DCST1: variants seen among roughly 807,000 people sequenced by gnomAD.
The protein encoded by DCST1 is E3 ubiquitin-protein ligase DCST1.
In DCST1, 78 loss-of-function variants were observed where a neutral mutation model predicts 89.1. The ratio of observed to expected loss-of-function variants is 0.88; its 90% CI spans 0.73 to 1.06. The LOEUF is 1.06. DCST1 is among the 50% of genes least tolerant of loss of function. The probability of loss-of-function intolerance (pLI) is 0.00; values close to 1 mark genes in which losing one functional copy is unlikely to be tolerated. For missense variants in DCST1, 900 were observed against 928.6 expected, an observed-to-expected ratio of 0.97 and a Z score of 0.40; for synonymous variants, 364 against 371.9, an observed-to-expected ratio of 0.98 and a Z score of 0.24.
At chr1:155,045,174 T>A (rs955068465) in intron 10 of DCST1, 1 of 152,338 alleles carries the variant, frequency 6.6e-6, no homozygotes, top group African/African-American at 2.4e-5. Flanking sequence ...CCAGAAGCAA[T>A]AGCATTGAAA....
At chr1:155,047,755 C>T (rs1450120625) in intron 14 of DCST1, 32 bp from the exon 15 acceptor site, 1 of 1,607,090 alleles carries the variant, frequency 6.2e-7, no homozygotes, top group Non-Finnish European at 8.5e-7. Context: ...TTGGCTGGTC[C>T]TGACCAGACC....
Position 155,050,912 on chromosome 1 carries a change from T to C in DCST1, c.*44T>C. 1.3e-6 allele frequency: 2 copies of C among 1,592,728 alleles called. No homozygotes were observed. The highest frequency in any genetic ancestry group is 1.7e-6 in the Non-Finnish European group (2 of 1,165,260). Reference sequence around the variant, plus strand: ...CTTCCGCACCGTCCTTCCCGGTTAATAAAATGCCCTGTACGCTTCACGTGG... The same window carrying C: ...CTTCCGCACCGTCCTTCCCGGTTAACAAAATGCCCTGTACGCTTCACGTGG... On this transcript the variant is annotated 3_prime_UTR_variant, in exon 17 of 17. Transcript: ENST00000295542.
At chr1:155,045,344 C>T (rs187088213) in intron 10 of DCST1, 223 of 181,840 alleles carry the variant, frequency 1.2e-3, no homozygotes, top group East Asian at 0.01. Context: ...CCCATGCACA[C>T]GTGCACCGTG....
At position 155,050,745 on chromosome 1, in the gene DCST1, G is replaced by A; in HGVS notation, c.1998G>A (p.Glu666=). The stretch of plus-strand genomic sequence containing the variant: ...ACGTGTGCCGGACGCTGGACTGCGA[G>A]GCCGTGTACTGCTGGTCGTGCTGGG... The part of the protein sequence containing the change: ...ESYVCRTLDC[E]AVYCWSCWDD... The change falls in exon 17 of 17, where the codon GAG becomes GAA. Residue 666 remains glutamate, a synonymous_variant. Transcript: ENST00000295542. 6.2e-7 allele frequency: 1 copy of A among 1,611,230 alleles called. No homozygotes were observed. Among genetic ancestry groups the A allele is most frequent in the Non-Finnish European group, 8.5e-7 (1 of 1,179,008 alleles).
At chr1:155,044,385 G>A (rs1660539391) in intron 10 of DCST1, among the ~76,000 whole-genome samples, 1 of 151,004 alleles carries the variant, frequency 6.6e-6, no homozygotes, top group Non-Finnish European at 1.5e-5. Flanking sequence ...GGGAGGCTGA[G>A]GCAGGAGAAT....
chr1:155,041,970 G>C, intron 8 of DCST1, 113 bp downstream of exon 8: 1 of 1,442,784 alleles, frequency 6.9e-7, no homozygotes, highest in Non-Finnish European at 9.4e-7. Context: ...TTGGCCCTGA[G>C]GCCACAGCAT....
rs775788231 is a variant in DCST1 at position 155,034,120 on chromosome 1, A to T, written c.61+23A>T. On this transcript the variant is annotated intron_variant, in intron 2 of 16. Coordinates refer to ENST00000295542, the MANE Select transcript of DCST1 (RefSeq NM_152494.4). Reference sequence around the variant, plus strand: ...CCAGTGAGTCACTCAGCAGAGACCCAGTATCCCTTGACCTCCACTCTCATC... The same window carrying T: ...CCAGTGAGTCACTCAGCAGAGACCCTGTATCCCTTGACCTCCACTCTCATC... The T allele has an allele frequency of 2.5e-6, 4 of 1,613,858 alleles. No homozygotes were observed. The South Asian group carries it at 4.4e-5, about 18-fold the overall frequency.
rs372412738 is a variant in DCST1, at chr1:155,039,543, G to C, written c.391+12G>C. 22 of 1,570,364 alleles carry C rather than the reference G, an allele frequency of 1.4e-5. No homozygotes were observed. In the African/African-American group the frequency reaches 2.4e-4, roughly 17 times the overall value. Reference sequence around the variant, plus strand: ...TGCCATCTATGTGGGTGAGTATGTGGGGGCCAGTGAGTTACACTGAAGCAG... The same window carrying C: ...TGCCATCTATGTGGGTGAGTATGTGCGGGCCAGTGAGTTACACTGAAGCAG... On this transcript the variant is annotated intron_variant, in intron 5 of 16. Coordinates refer to ENST00000295542, the MANE Select transcript of DCST1 (RefSeq NM_152494.4).
rs2102361238 is a variant in DCST1 at position 155,046,366 on chromosome 1, G to A, written c.1375G>A (p.Glu459Lys). Reference sequence around the variant, plus strand: ...CCTCCTGCTCCTTGGCCAGGTGAGGGAGCTCCTGGAGACACTGCCCATTCT... The same window carrying A: ...CCTCCTGCTCCTTGGCCAGGTGAGGAAGCTCCTGGAGACACTGCCCATTCT... ...QASEMSNVVR[E>K]LLETLPILLL... is the part of the protein sequence containing the mutation. The change falls in exon 13 of 17, where the codon GAG (glutamate) becomes AAG (lysine). Residue 459 changes from glutamate (E) to lysine (K), a missense_variant. Glu to Lys is a moderately conservative substitution (Grantham distance 56). Coordinates refer to ENST00000295542, the MANE Select transcript of DCST1 (RefSeq NM_152494.4). 3 of 1,614,080 alleles carry A rather than the reference G, an allele frequency of 1.9e-6. No homozygotes were observed. The highest frequency in any genetic ancestry group is 2.5e-6 in the Non-Finnish European group (3 of 1,179,994).
Position 155,046,301 on chromosome 1 carries a change from G to A in DCST1, c.1369-59G>A, listed in dbSNP as rs1000552011. Reference sequence around the variant, plus strand: ...GGTGGAGGGTAAAAGGCACCAGAGAGTGCTCCGTGCCCAGGCAGATGGCAC... The same window carrying A: ...GGTGGAGGGTAAAAGGCACCAGAGAATGCTCCGTGCCCAGGCAGATGGCAC... On this transcript the variant is annotated intron_variant, in intron 12 of 16. Transcript: ENST00000295542. 8 of 1,613,936 alleles carry A rather than the reference G, an allele frequency of 5.0e-6. No individual in the cohort carries two copies. In the Admixed American group the frequency reaches 5.0e-5, roughly 10 times the overall value.
chr1:155,039,271 A>T, intron 4 of DCST1, 132 bp from the exon 5 acceptor site: 1 of 1,088,594 alleles, frequency 9.2e-7, no homozygotes, highest in Non-Finnish European at 1.2e-6. Context: ...TATCAGAGTC[A>T]GTGTAAATGG....
Position 155,039,468 on chromosome 1 carries a change from A to G in DCST1, c.328A>G (p.Lys110Glu). The part of the protein sequence containing the change: ...IRCASLLLVP[K>E]MLGKEGRLFV... ...CTGTGCCAGCCTCCTACTAGTACCC[A>G]AGATGCTGGGCAAGGAAGGCAGGCT... The change falls in exon 5 of 17, where the codon AAG (lysine) becomes GAG (glutamate). Residue 110 changes from lysine to glutamate, a missense_variant. By Grantham distance (56) the Lys-to-Glu change is moderately conservative. Coordinates refer to ENST00000295542, the MANE Select transcript of DCST1 (RefSeq NM_152494.4). The G allele has an allele frequency of 6.2e-7, 1 of 1,602,144 alleles. No individual in the cohort carries two copies. The highest frequency in any genetic ancestry group is 8.5e-7 in the Non-Finnish European group (1 of 1,174,096).
chr1:155,037,774 G>C (rs1193023880), intron 4 of DCST1, among the ~76,000 whole-genome samples: 4 of 152,228 alleles, frequency 2.6e-5, no homozygotes, highest in Non-Finnish European at 5.9e-5. Context: ...GGGTGGGATA[G>C]AGGAGTGAGA....
chr1:155,049,928 T>G (rs1317435778), intron 16 of DCST1, among the ~76,000 whole-genome samples: 1 of 152,202 alleles, frequency 6.6e-6, no homozygotes, highest in Non-Finnish European at 1.5e-5. Context: ...GAATGCGAAG[T>G]GCCAGGGCTA....
rs903788083 is a variant in DCST1, at chr1:155,048,160, A to G, written c.1859A>G (p.Gln620Arg). ...GCTATCCTGAGGCGGGAGCGACAGCAGAAGGCTCCGGTAAGTCCAGGCGTA... is the reference window on the plus strand; with the variant it reads ...GCTATCCTGAGGCGGGAGCGACAGCGGAAGGCTCCGGTAAGTCCAGGCGTA... ...RAAILRRERQ[Q>R]KAPRHPLADI... Residue 620 changes from glutamine to arginine, a missense_variant, in exon 16 of 17, where the codon CAG becomes CGG. Transcript: ENST00000295542. 7 of 1,613,930 alleles carry G rather than the reference A, an allele frequency of 4.3e-6. No homozygotes were observed. The highest frequency in any genetic ancestry group is 5.9e-6 in the Non-Finnish European group (7 of 1,179,946).
chr1:155,039,336 T>C, intron 4 of DCST1, 67 bp from the exon 5 acceptor site: 2 of 1,450,080 alleles, frequency 1.4e-6, no homozygotes, highest in South Asian at 1.5e-5. Context: ...GTGGGTGCTC[T>C]GGTAAACGTG....
chr1:155,040,643 C>T lies in DCST1; in HGVS notation c.531+19C>T. 6.4e-7 allele frequency: 1 copy of T among 1,551,150 alleles called. No homozygotes were observed. The highest frequency in any genetic ancestry group is 2.4e-5 in the East Asian group (1 of 41,888). On this transcript the variant is annotated intron_variant, in intron 6 of 16. Transcript: ENST00000295542. ...CCTGCTGGTCAGGAATCTGCACAGG[C>T]AGAGCCTGGGGGGTCCCTCTCCCTG...
intron 16 of DCST1, among the ~76,000 whole-genome samples, chr1:155,049,642 G>T (rs1660805060): frequency 6.6e-6 from 1 of 152,102 alleles, no homozygotes; most frequent in Admixed American, 6.6e-5. Context: ...TATAAACAAT[G>T]AGTGGCAGCC....
At chr1:155,040,725 G>A in intron 6 of DCST1, 101 bp downstream of exon 6, 5 of 1,440,692 alleles carry the variant, frequency 3.5e-6, no homozygotes, top group Non-Finnish European at 3.7e-6. Context: ...TTCCCAATGG[G>A]GATACTACTG....
Sources: gnomAD v4.1 joint callset for allele counts (sites outside exome capture counted in the v4.1 genomes callset) on GRCh38, gnomAD v4.1.1 for gene constraint, MANE v1.5 for transcripts, NCBI Gene and HGNC (gene_info 2026-07-23, HGNC 2026-07-21) for gene names.